TENM4: variants seen among roughly 807,000 people sequenced by gnomAD.
TENM4 encodes the protein teneurin-4.
Under a neutral mutation model 243.3 loss-of-function variants are expected in TENM4, and 82 were observed. The ratio of observed to expected loss-of-function variants is 0.34; its 90% CI spans 0.28 to 0.40. The LOEUF is 0.40. Among genes scored for constraint, TENM4 ranks in the 10% least tolerant of loss-of-function variants. TENM4 has a pLI of 1.00. For synonymous variants in TENM4, 1,412 were observed against 1,456.3 expected (o/e 0.97, Z 0.69); for missense variants, 3,138 against 3,673.3 (o/e 0.85, Z 3.77).
At chr11:78,847,048 T>C (rs908825612) in intron 12 of TENM4, among the ~76,000 whole-genome samples, 3 of 152,224 alleles carry the variant, frequency 2.0e-5, no homozygotes, top group Non-Finnish European at 4.4e-5. Context: ...TCTTTTCTTA[T>C]TTTTCCTGCC....
intron 15 of TENM4, among the ~76,000 whole-genome samples, chr11:78,798,108 C>T (rs561272033): frequency 7.9e-5 from 12 of 152,336 alleles, no homozygotes; most frequent in African/African-American, 2.9e-4. Context: ...AAGCATCTCA[C>T]TCAGTCTTTC....
At chr11:78,870,490 C>T (rs1859093525) in intron 9 of TENM4, among the ~76,000 whole-genome samples, 1 of 152,176 alleles carries the variant, frequency 6.6e-6, no homozygotes, top group Non-Finnish European at 1.5e-5. Flanking sequence ...CTGTCAGGAT[C>T]CCACTGATGA....
intron 1 of TENM4, among the ~76,000 whole-genome samples, chr11:79,345,259 T>C (rs900339493): frequency 1.3e-5 from 2 of 152,216 alleles, no homozygotes; most frequent in Non-Finnish European, 2.9e-5. Flanking sequence ...TCTAATGTCA[T>C]GGGCTTTTTC....
chr11:78,783,894 G>A (rs1441474274), intron 16 of TENM4, among the ~76,000 whole-genome samples: 1 of 152,184 alleles, frequency 6.6e-6, no homozygotes, highest in African/African-American at 2.4e-5. Flanking sequence ...GGCTCTTAAC[G>A]CTGGGGACTT....
intron 4 of TENM4, chr11:79,093,351 G>C (rs113440251): frequency 4.6e-5 from 7 of 152,358 alleles, no homozygotes; most frequent in African/African-American, 1.4e-4. Context: ...TTGCCATAAA[G>C]GTAAGCTCTG....
intron 33 of TENM4, among the ~76,000 whole-genome samples, chr11:78,660,627 CCTT>C (rs752285802): frequency 1.0e-3 from 157 of 152,248 alleles, no homozygotes; most frequent in Middle Eastern, 6.8e-3. Flanking sequence ...CTGCTTTCCT[CCTT>C]AGTCTGTCAT....
chr11:79,392,047 T>G (rs1488262422), intron 1 of TENM4, among the ~76,000 whole-genome samples: 1 of 152,212 alleles, frequency 6.6e-6, no homozygotes, highest in Non-Finnish European at 1.5e-5. Context: ...AAACATTTAC[T>G]TATAACCAAC....
At chr11:78,951,082 G>T (rs1170492267) in intron 6 of TENM4, among the ~76,000 whole-genome samples, 1 of 152,256 alleles carries the variant, frequency 6.6e-6, no homozygotes. Context: ...CTCAAGGGCT[G>T]CTCCCTGAGA....
rs546798586 is a variant in TENM4 at position 79,014,075 on chromosome 11, G to C, written c.493+50663C>G. On this transcript the variant is annotated intron_variant, in intron 6 of 33. Transcript: ENST00000278550. ...GGAACTCTTGTTATCTGTATCCTCA[G>C]AGCCCGGCACAGTCTGTGGCACACA... Among the ~76,000 whole-genome samples, 6 of 152,274 alleles carry C rather than the reference G, an allele frequency of 3.9e-5. No individual in the cohort carries two copies. The East Asian group carries it at 5.8e-4, about 15-fold the overall frequency.
At chr11:78,762,933 A>G (rs1162925748) in intron 18 of TENM4, among the ~76,000 whole-genome samples, 1 of 152,348 alleles carries the variant, frequency 6.6e-6, no homozygotes, top group East Asian at 1.9e-4. Context: ...GGGATAGACT[A>G]GAAACATATT....
At chr11:78,938,678 C>T (rs2136447727) in intron 6 of TENM4, among the ~76,000 whole-genome samples, 1 of 152,280 alleles carries the variant, frequency 6.6e-6, no homozygotes, top group South Asian at 2.1e-4. Context: ...TTCTGCTCGT[C>T]TCATTTGTTG....
intron 2 of TENM4, among the ~76,000 whole-genome samples, chr11:79,262,226 C>A (rs560626326): frequency 1.3e-4 from 20 of 152,206 alleles, no homozygotes; most frequent in Admixed American, 1.3e-4. Context: ...AATAATGACG[C>A]CTGCCTCACT....
At chr11:78,817,068 A>C (rs1591045672) in intron 12 of TENM4, among the ~76,000 whole-genome samples, 2 of 152,202 alleles carry the variant, frequency 1.3e-5, no homozygotes, top group Non-Finnish European at 2.9e-5. Flanking sequence ...TCAAGGGTGG[A>C]GAAAAGGCAT....
At chr11:79,233,614 C>T (rs1864409427) in intron 2 of TENM4, among the ~76,000 whole-genome samples, 1 of 151,932 alleles carries the variant, frequency 6.6e-6, no homozygotes, top group African/African-American at 2.4e-5. Context: ...GACACGGACC[C>T]AGGTGTTAGT....
At chr11:78,859,577 T>C (rs487429) in intron 10 of TENM4, among the ~76,000 whole-genome samples, 83,417 of 152,116 alleles carry the variant, frequency 0.55, 26,442 homozygotes, top group African/African-American at 0.87. Context: ...TTCTCAATCA[T>C]AGCCTTTACT....
intron 2 of TENM4, among the ~76,000 whole-genome samples, chr11:79,255,899 G>A (rs1207577611): frequency 6.6e-6 from 1 of 152,196 alleles, no homozygotes; most frequent in Non-Finnish European, 1.5e-5. Context: ...GTGTGTCAGA[G>A]CAGAGCTGGG....
chr11:79,271,380 G>T (rs1855966483), intron 2 of TENM4, among the ~76,000 whole-genome samples: 1 of 152,170 alleles, frequency 6.6e-6, no homozygotes, highest in African/African-American at 2.4e-5. Context: ...TGCTCCTCTA[G>T]GTTCTCTTGC....
chr11:79,143,858 T>C (rs1263982137), intron 4 of TENM4, among the ~76,000 whole-genome samples: 1 of 151,678 alleles, frequency 6.6e-6, no homozygotes, highest in Non-Finnish European at 1.5e-5. Context: ...AAAGAAAACA[T>C]TAGAGAAACT....
chr11:78,823,197 G>T (rs185139044), intron 12 of TENM4, among the ~76,000 whole-genome samples: 28 of 152,334 alleles, frequency 1.8e-4, no homozygotes, highest in Non-Finnish European at 2.9e-4. Flanking sequence ...GCGCTCCCGG[G>T]AAATGCCTCG....
Sources: allele counts gnomAD v4.1 joint callset (sites outside exome capture counted in the v4.1 genomes callset), GRCh38; gene constraint gnomAD v4.1.1; transcripts MANE v1.5; gene names NCBI Gene and HGNC (gene_info 2026-07-23, HGNC 2026-07-21).